Variants in DDX10 observed in about 807,000 individuals in gnomAD.
DDX10 encodes the protein DEAD-box helicase 10, also known as probable ATP-dependent RNA helicase DDX10.
A neutral mutation model predicts 104.3 loss-of-function variants in DDX10; 74 were observed. The observed-to-expected ratio is 0.71, with a 90% CI of 0.59 to 0.86. The LOEUF is 0.86. Ranked by LOEUF, DDX10 falls within the 40% of genes least tolerant of loss-of-function variation. The pLI is 0.00. For missense variants in DDX10, 952 were observed against 1,040.0 expected (o/e 0.92, Z 1.16); for synonymous variants, 351 against 353.4 (o/e 0.99, Z 0.08).
chr11:108,723,124 G>A lies in DDX10; in HGVS notation c.1627G>A (p.Asp543Asn), dbSNP rs2094300647. The change falls in exon 13 of 18, where the codon GAC becomes AAC. Residue 543 changes from aspartate (D) to asparagine (N), a missense_variant. Around this residue, in one of 3 missense-constraint regions of DDX10, gnomAD observed 533 missense variants for 534.1 expected, o/e 1.00. Coordinates refer to ENST00000322536, the MANE Select transcript of DDX10 (RefSeq NM_004398.4). ...IEPRAPSLTN[D>N]EVEEFRAYFN... ...GCCAAGGGCTCCCTCCCTCACCAAT[G>A]ACGAAGTGGAAGAATTTAGAGCCTA... is the stretch of plus-strand genomic sequence containing the variant. 6.2e-7 allele frequency: 1 copy of A among 1,613,750 alleles called. No individual in the cohort carries two copies. The highest frequency in any genetic ancestry group is 8.5e-7 in the Non-Finnish European group (1 of 1,179,902).
chr11:108,672,057 T>A, intron 1 of DDX10, among the ~76,000 whole-genome samples: 2 of 95,088 alleles, frequency 2.1e-5, no homozygotes, highest in East Asian at 3.0e-4. Context: ...CGAGACTCCA[T>A]CTCGGAAAAA....
chr11:108,703,664 T>C (rs1438300545), intron 9 of DDX10, among the ~76,000 whole-genome samples: 3 of 138,700 alleles, frequency 2.2e-5, no homozygotes, highest in East Asian at 4.3e-4. Context: ...TTATTTCTTA[T>C]ATGTTTAGCC....
At chr11:108,841,503 T>G (rs1286927929) in intron 15 of DDX10, 27 bp downstream of exon 15, 2 of 1,605,632 alleles carry the variant, frequency 1.2e-6, no homozygotes, top group Admixed American at 3.4e-5. Context: ...GAATTCATAC[T>G]GAGTAAAATT....
chr11:108,714,470 G>A (rs922984742), intron 10 of DDX10, among the ~76,000 whole-genome samples: 2 of 150,530 alleles, frequency 1.3e-5, no homozygotes, highest in African/African-American at 4.9e-5. Flanking sequence ...TTATTGTTAT[G>A]ATGGAGTGAT....
At chr11:108,804,560 C>T (rs948129844) in intron 13 of DDX10, among the ~76,000 whole-genome samples, 30 of 148,834 alleles carry the variant, frequency 2.0e-4, no homozygotes, top group Non-Finnish European at 3.6e-4. Flanking sequence ...ACTGAAAACA[C>T]GTGTTTATTA....
chr11:108,905,313 G>T (rs1263721023), intron 16 of DDX10, among the ~76,000 whole-genome samples: 1 of 22,426 alleles, frequency 4.5e-5, no homozygotes, highest in South Asian at 1.7e-3. Flanking sequence ...GATTGTTTAA[G>T]GGGGGGGGGG....
At chr11:108,841,522 C>G in intron 15 of DDX10, 46 bp downstream of exon 15, 1 of 1,524,132 alleles carries the variant, frequency 6.6e-7, no homozygotes, top group Non-Finnish European at 9.0e-7. Flanking sequence ...TTTAGTGTCC[C>G]GAAGTATATC....
chr11:108,832,929 A>G (rs1000138943), intron 13 of DDX10, among the ~76,000 whole-genome samples: 3 of 152,234 alleles, frequency 2.0e-5, no homozygotes, highest in African/African-American at 7.2e-5. Flanking sequence ...CTGGAAGGAT[A>G]CAGAAGCTGC....
In DDX10 at chr11:108,913,516, A is replaced by G. The variant is rs116309016; in HGVS notation, c.2305-4357A>G. On this transcript the variant is annotated intron_variant, in intron 16 of 17. Transcript: ENST00000322536. ...TTTGAGTTCTGTCTGTCCTTTGTCC[A>G]CAAGGAATATCCTTGTGGGCAAATT... is the stretch of plus-strand genomic sequence containing the variant. 1.1e-3 allele frequency among the ~76,000 whole-genome samples: 168 copies of G among 152,236 alleles called. 2 individuals carry two copies. Among genetic ancestry groups the G allele is most frequent in the African/African-American group, 3.9e-3 (163 of 41,532 alleles).
intron 16 of DDX10, among the ~76,000 whole-genome samples, chr11:108,870,806 T>C (rs1684113196): frequency 6.6e-6 from 1 of 152,248 alleles, no homozygotes; most frequent in African/African-American, 2.4e-5. Flanking sequence ...ACAGGGACTT[T>C]GTTCTGTTCA....
At chr11:108,700,850 G>A (rs1326704300) in intron 9 of DDX10, among the ~76,000 whole-genome samples, 1 of 151,542 alleles carries the variant, frequency 6.6e-6, no homozygotes, top group African/African-American at 2.4e-5. Context: ...TATTCTTAAT[G>A]TGTTACAATT....
intron 13 of DDX10, among the ~76,000 whole-genome samples, chr11:108,751,523 CTAATCCAATGTA>C (rs536422652): frequency 8.9e-4 from 136 of 152,188 alleles, no homozygotes; most frequent in Admixed American, 2.6e-3. Context: ...GTGATACCAT[CTAATCCAATGTA>C]TAATCCAATG....
intron 16 of DDX10, among the ~76,000 whole-genome samples, chr11:108,860,032 C>T (rs1862920143): frequency 1.3e-5 from 2 of 151,878 alleles, no homozygotes; most frequent in Admixed American, 1.3e-4. Flanking sequence ...TCTTCTTCTT[C>T]TTGTTTTGTT....
chr11:108,831,421 C>CAAAAAAAAAAAAAAAAAAAAAAAAA (rs779264219), intron 13 of DDX10, among the ~76,000 whole-genome samples: 1 of 69,824 alleles, frequency 1.4e-5, no homozygotes, highest in African/African-American at 6.5e-5. Flanking sequence ...GAGACTGTCT[C>CAAAAAAAAAAAAAAAAAAAAAAAAA]AAAAAAAAAA....
At chr11:108,801,826 A>G (rs1317367891) in intron 13 of DDX10, among the ~76,000 whole-genome samples, 1 of 152,208 alleles carries the variant, frequency 6.6e-6, no homozygotes, top group African/African-American at 2.4e-5. Flanking sequence ...TAATGGTAGA[A>G]TGATTATCTT....
chr11:108,771,536 A>G (rs921722895), intron 13 of DDX10, among the ~76,000 whole-genome samples: 3 of 151,914 alleles, frequency 2.0e-5, no homozygotes, highest in African/African-American at 7.3e-5. Flanking sequence ...TAATAGAGAC[A>G]GGGTTTCACT....
intron 16 of DDX10, among the ~76,000 whole-genome samples, chr11:108,896,811 G>A (rs11212802): frequency 0.46 from 69,074 of 151,762 alleles, 18,994 homozygotes; most frequent in Non-Finnish European, 0.61. Context: ...ACATGATAGT[G>A]ACATTGTCTG....
intron 10 of DDX10, among the ~76,000 whole-genome samples, chr11:108,712,510 C>T (rs2094285767): frequency 6.6e-6 from 1 of 151,900 alleles, no homozygotes; most frequent in Admixed American, 6.6e-5. Context: ...ATCCAAAGCC[C>T]ATTTTGAAAT....
chr11:108,859,013 A>G (rs1862906766), intron 16 of DDX10, among the ~76,000 whole-genome samples: 1 of 152,214 alleles, frequency 6.6e-6, no homozygotes, highest in Non-Finnish European at 1.5e-5. Context: ...CATTGGCAGT[A>G]TCATGGTGAA....
Sources: gnomAD v4.1 joint callset for allele counts (sites outside exome capture counted in the v4.1 genomes callset) on GRCh38, gnomAD v4.1.1 for gene constraint, gnomAD v4.1.1 regional missense constraint, MANE v1.5 for transcripts, NCBI Gene and HGNC (gene_info 2026-07-23, HGNC 2026-07-21) for gene names.